The following GKN2 variants were observed in gnomAD, a reference collection of about 807,000 sequenced individuals.
The protein encoded by GKN2 is gastrokine-2.
A neutral mutation model predicts 22.7 loss-of-function variants in GKN2; 17 were observed. The ratio of observed to expected loss-of-function variants is 0.75; its 90% CI spans 0.51 to 1.13. The LOEUF is 1.13. GKN2 is among the 50% of genes most tolerant of loss of function. The pLI is 0.00. For missense variants in GKN2, 248 were observed against 221.4 expected (o/e 1.12, Z -0.76); for synonymous variants, 82 against 79.6 (o/e 1.03, Z -0.16).
chr2:68,951,090 A>G (rs907380733), intron 1 of GKN2, among the ~76,000 whole-genome samples: 1 of 152,182 alleles, frequency 6.6e-6, no homozygotes, highest in African/African-American at 2.4e-5. Flanking sequence ...CACTATGGAA[A>G]TACTCTGGTA....
intron 3 of GKN2, among the ~76,000 whole-genome samples, chr2:68,948,223 G>C (rs1303514045): frequency 7.1e-6 from 1 of 140,432 alleles, no homozygotes; most frequent in Non-Finnish European, 1.5e-5. Flanking sequence ...TCCAGCCTGG[G>C]TGACAGAGCG....
At chr2:68,946,682 A>T (rs568412704) in intron 4 of GKN2, among the ~76,000 whole-genome samples, 1 of 152,326 alleles carries the variant, frequency 6.6e-6, no homozygotes, top group African/African-American at 2.4e-5. Flanking sequence ...AAAGAAAGTA[A>T]GTCCCATGTC....
At chr2:68,946,630 G>A (rs921899051) in intron 4 of GKN2, among the ~76,000 whole-genome samples, 170 bp from the exon 5 acceptor site, 1 of 152,184 alleles carries the variant, frequency 6.6e-6, no homozygotes, top group Non-Finnish European at 1.5e-5. Flanking sequence ...AGCCTCATTA[G>A]TAATTACCAG....
chr2:68,951,432 C>CT (rs1669853448), intron 1 of GKN2, among the ~76,000 whole-genome samples: 1 of 152,234 alleles, frequency 6.6e-6, no homozygotes, highest in Admixed American at 6.5e-5. Context: ...CTGTAAGAGT[C>CT]TGTTCCAACA....
At chr2:68,948,027 C>T (rs533689457) in intron 3 of GKN2, among the ~76,000 whole-genome samples, 1 of 152,090 alleles carries the variant, frequency 6.6e-6, no homozygotes, top group Non-Finnish European at 1.5e-5. Flanking sequence ...GGGCAGATCA[C>T]AAGGTCAGGA....
At chr2:68,952,373 T>G (rs1669868711) in intron 1 of GKN2, among the ~76,000 whole-genome samples, 1 of 152,190 alleles carries the variant, frequency 6.6e-6, no homozygotes. Context: ...GGGAGAATAC[T>G]ACTCAACTCA....
chr2:68,950,468 C>A (rs1669840024), intron 2 of GKN2, among the ~76,000 whole-genome samples: 1 of 152,158 alleles, frequency 6.6e-6, no homozygotes, highest in Non-Finnish European at 1.5e-5. Flanking sequence ...ATGGGAGAAG[C>A]AGTGATATCA....
chr2:68,946,603 C>T (rs1285093134), intron 4 of GKN2, 143 bp from the exon 5 acceptor site: 4 of 646,128 alleles, frequency 6.2e-6, no homozygotes, highest in Non-Finnish European at 1.0e-5. Flanking sequence ...TCTTTTTGAA[C>T]ACTCTATCTG....
intron 1 of GKN2, among the ~76,000 whole-genome samples, chr2:68,952,372 C>T (rs1397736409): frequency 6.6e-6 from 1 of 152,132 alleles, no homozygotes; most frequent in East Asian, 1.9e-4. Flanking sequence ...GGGGAGAATA[C>T]TACTCAACTC....
chr2:68,945,432 C>T lies in GKN2; in HGVS notation c.491G>A (p.Gly164Asp). The change falls in exon 6 of 6, where the codon GGC becomes GAC. Residue 164 changes from glycine (G) to aspartate (D), a missense_variant. Transcript: ENST00000328895. ...VENTHNVGAGGCAKAGLLGIL... is the reference protein window; with the variant it reads ...VENTHNVGAGDCAKAGLLGIL... ...GCCCAGGAGCCCAGCCTTTGCACAGCCTCCAGCACCGACATTATCTGGAAA... is the reference window on the plus strand; with the variant it reads ...GCCCAGGAGCCCAGCCTTTGCACAGTCTCCAGCACCGACATTATCTGGAAA... 6.2e-7 allele frequency: 1 copy of T among 1,609,496 alleles called. No homozygotes were observed. The highest frequency in any genetic ancestry group is 1.1e-5 in the South Asian group (1 of 90,026).
chr2:68,950,348 C>A (rs1669837952), intron 2 of GKN2, 85 bp from the exon 3 acceptor site: 3 of 1,336,890 alleles, frequency 2.2e-6, no homozygotes, highest in Admixed American at 2.4e-5. Flanking sequence ...AAGCAGCTGC[C>A]TGCTATGAAC....
Position 68,946,290 on chromosome 2 carries a change from T to A in GKN2, c.472+14A>T, listed in dbSNP as rs774591985. 2 of 1,594,628 alleles carry A rather than the reference T, an allele frequency of 1.3e-6. No individual in the cohort carries two copies. Among genetic ancestry groups the A allele is most frequent in the Admixed American group, 3.6e-5 (2 of 55,556 alleles). ...AGAAAATATTTGGTGAGTGAATGAC[T>A]TATTGGTACTCACGTGTGTTTTCAA... is the stretch of plus-strand genomic sequence containing the variant. On this transcript the variant is annotated intron_variant, in intron 5 of 5. Transcript: ENST00000328895.
chr2:68,951,189 C>T (rs1437451993), intron 1 of GKN2, among the ~76,000 whole-genome samples: 1 of 152,036 alleles, frequency 6.6e-6, no homozygotes, highest in Admixed American at 6.6e-5. Context: ...AAACTTTAAT[C>T]CCTTAAGACT....
At chr2:68,948,973 C>G (rs1195621674) in intron 3 of GKN2, among the ~76,000 whole-genome samples, 1 of 152,132 alleles carries the variant, frequency 6.6e-6, no homozygotes, top group Non-Finnish European at 1.5e-5. Context: ...TTTCTAATGA[C>G]TCTATACTTT....
Position 68,947,796 on chromosome 2 carries a change from G to A in GKN2, c.205-539C>T, listed in dbSNP as rs184180430. Among the ~76,000 whole-genome samples, 54 of 152,126 alleles carry A rather than the reference G, an allele frequency of 3.5e-4. No homozygotes were observed. The East Asian group carries it at 8.3e-3, about 23-fold the overall frequency. ...GTAGAGATGGAGTTTCACCATATTAGCCAGGCTGGTCTCAAACTCCTGATC... is the reference window on the plus strand; with the variant it reads ...GTAGAGATGGAGTTTCACCATATTAACCAGGCTGGTCTCAAACTCCTGATC... On this transcript the variant is annotated intron_variant, in intron 3 of 5. Transcript: ENST00000328895.
intron 3 of GKN2, among the ~76,000 whole-genome samples, chr2:68,949,019 A>G (rs938193869): frequency 1.3e-5 from 2 of 152,192 alleles, no homozygotes; most frequent in Non-Finnish European, 2.9e-5. Context: ...CCAATGGGAA[A>G]GAGGAACGTG....
intron 1 of GKN2, 137 bp from the exon 2 acceptor site, chr2:68,950,892 G>T: frequency 1.3e-6 from 1 of 790,216 alleles, no homozygotes; most frequent in Non-Finnish European, 2.2e-6. Context: ...CAGATGGTCA[G>T]CACTCCCTTT....
Position 68,950,218 on chromosome 2 carries a change from C to G in GKN2, c.112G>C (p.Glu38Gln), listed in dbSNP as rs546617736. 11 of 1,613,616 alleles carry G rather than the reference C, an allele frequency of 6.8e-6. No individual in the cohort carries two copies. The highest frequency in any genetic ancestry group is 1.1e-5 in the South Asian group (1 of 91,050). Reference protein sequence around the residue: ...SPSNNGGNVQETVTIDNEKNT... With the variant: ...SPSNNGGNVQQTVTIDNEKNT... ...TTTTCATTATCAATTGTCACTGTCT[C>G]CTGAACATTGCCACCATTGTTGCTT... The change falls in exon 3 of 6, where the codon GAG (glutamate) becomes CAG (glutamine). Residue 38 changes from glutamate (E) to glutamine (Q), a missense_variant. Glu to Gln is a conservative substitution (Grantham distance 29). Transcript: ENST00000328895.
At chr2:68,949,576 C>A (rs1669824538) in intron 3 of GKN2, among the ~76,000 whole-genome samples, 1 of 152,022 alleles carries the variant, frequency 6.6e-6, no homozygotes, top group African/African-American at 2.4e-5. Flanking sequence ...CGCACCACCA[C>A]ACCCAGCTAA....
Sources: gnomAD v4.1 joint callset for allele counts (sites outside exome capture counted in the v4.1 genomes callset) on GRCh38, gnomAD v4.1.1 for gene constraint, MANE v1.5 for transcripts, NCBI Gene and HGNC (gene_info 2026-07-23, HGNC 2026-07-21) for gene names.